MYOCOS: variants seen among roughly 807,000 people sequenced by gnomAD.
The protein encoded by MYOCOS is myocilin opposite strand.
rs1032286290 is a variant in MYOCOS at position 171,623,943 on chromosome 1, C to T, written c.60C>T (p.Ser20=). The T allele has an allele frequency of 1.5e-5, 6 of 398,588 alleles. No individual in the cohort carries two copies. Among genetic ancestry groups the T allele is most frequent in the African/African-American group, 6.2e-5 (3 of 48,738 alleles). 24.7% of individuals were successfully genotyped at this position (398,588 alleles called of 1,614,324 possible). A position where few individuals can be genotyped will look rare whatever the true frequency, so the allele number is the denominator to read the frequency against. ...ATCTCCCCTACAAGGACTTGACCTC[C>T]GAGGTAACCAGGCGCCGAGTCACCA... ...SINLPYKDLT[S]EVTRRRVTMI... is the part of the protein sequence containing the mutation. The change falls in exon 2 of 3, where the codon TCC becomes TCT. Residue 20 remains serine (S), a synonymous_variant. Coordinates refer to ENST00000637642, the MANE Select transcript of MYOCOS (RefSeq NM_001391940.1).
intron 1 of MYOCOS, among the ~76,000 whole-genome samples, chr1:171,608,502 C>T (rs113367666): frequency 0.073 from 10,584 of 144,928 alleles, 1,267 homozygotes; most frequent in African/African-American, 0.25. Flanking sequence ...CCTGCAAGCT[C>T]CGCCTCCCGA....
intron 2 of MYOCOS, among the ~76,000 whole-genome samples, chr1:171,625,345 G>C (rs1652673174): frequency 6.6e-6 from 1 of 152,188 alleles, no homozygotes; most frequent in African/African-American, 2.4e-5. Context: ...TGGGAGATGG[G>C]AGCAGTGAAC....
intron 1 of MYOCOS, among the ~76,000 whole-genome samples, chr1:171,610,000 C>T (rs1053386528): frequency 3.3e-5 from 5 of 152,240 alleles, no homozygotes; most frequent in African/African-American, 1.2e-4. Context: ...AGCCCCCCTT[C>T]ACATGGGTCT....
intron 1 of MYOCOS, among the ~76,000 whole-genome samples, chr1:171,611,976 G>T (rs575523283): frequency 5.9e-5 from 9 of 152,272 alleles, no homozygotes; most frequent in African/African-American, 2.2e-4. Flanking sequence ...TTGAATTCAT[G>T]GTAGTCTTCA....
At chr1:171,616,205 G>A (rs1168399524) in intron 2 of MYOCOS, among the ~76,000 whole-genome samples, 3 of 149,408 alleles carry the variant, frequency 2.0e-5, no homozygotes, top group African/African-American at 7.4e-5. Flanking sequence ...TGACAAGAGC[G>A]AAACTCCATC....
chr1:171,621,424 A>G (rs573290887), upstream of MYOCOS, among the ~76,000 whole-genome samples: 55 of 130,564 alleles, frequency 4.2e-4, no homozygotes, highest in East Asian at 1.2e-3. Flanking sequence ...CAACCAGGCT[A>G]GAGTGCAGTG....
At chr1:171,618,809 T>C (rs1160641821), upstream of MYOCOS, among the ~76,000 whole-genome samples, 1 of 152,174 alleles carries the variant, frequency 6.6e-6, no homozygotes, top group African/African-American at 2.4e-5. Flanking sequence ...CTCCTGACCT[T>C]GGGTGATCTG....
upstream of MYOCOS, among the ~76,000 whole-genome samples, chr1:171,619,830 C>CAA (rs557972701): frequency 0.036 from 3,488 of 96,184 alleles, 153 homozygotes; most frequent in African/African-American, 0.12. Flanking sequence ...GACTCCATCT[C>CAA]AAAAAAAAAA....
upstream of MYOCOS, among the ~76,000 whole-genome samples, chr1:171,620,325 C>A (rs1286350970): frequency 1.3e-4 from 20 of 152,006 alleles, no homozygotes; most frequent in Non-Finnish European, 7.4e-5. Flanking sequence ...TCCAACCTGA[C>A]TCTGGCATAA....
At chr1:171,608,118 C>T (rs1652284903) in intron 1 of MYOCOS, among the ~76,000 whole-genome samples, 1 of 152,160 alleles carries the variant, frequency 6.6e-6, no homozygotes, top group Admixed American at 6.5e-5. Flanking sequence ...GGGTCCCTCC[C>T]ACAACAAGTG....
chr1:171,618,004 A>C (rs1009330831), upstream of MYOCOS, among the ~76,000 whole-genome samples: 2 of 152,112 alleles, frequency 1.3e-5, no homozygotes, highest in African/African-American at 4.8e-5. Context: ...TTCTCTTATG[A>C]TTGCTTCCAT....
intron 2 of MYOCOS, among the ~76,000 whole-genome samples, chr1:171,625,663 A>G (rs7538489): frequency 0.32 from 47,954 of 152,050 alleles, 8,377 homozygotes; most frequent in African/African-American, 0.47. Flanking sequence ...GGCGAACCCC[A>G]CAGCCTGGGG....
rs1283942195 is a variant in MYOCOS at position 171,626,841 on chromosome 1, AC to A, written c.*241del. ...TTTGATCTTTATGTTATGCTATAGA[AC>A]TGTTGCTGTAGTCAGTTGTATTTAA... On this transcript the variant is annotated 3_prime_UTR_variant, in exon 3 of 3. Coordinates refer to ENST00000637642, the MANE Select transcript of MYOCOS (RefSeq NM_001391940.1). 2 of 340,274 alleles carry A rather than the reference AC, an allele frequency of 5.9e-6. No homozygotes were observed. The highest frequency in any genetic ancestry group is 1.1e-5 in the Non-Finnish European group (2 of 190,474). The allele number at this position is 340,274 out of a possible 1,614,324, so 21.1% of individuals were successfully genotyped here.
At chr1:171,622,856 C>A (rs1283203975) in intron 1 of MYOCOS, among the ~76,000 whole-genome samples, 2 of 152,196 alleles carry the variant, frequency 1.3e-5, no homozygotes, top group Non-Finnish European at 2.9e-5. Context: ...TACCTAATTT[C>A]TCTACTGCTC....
At position 171,614,614 on chromosome 1, in the gene MYOCOS, A is replaced by C. The variant is rs113373780; in HGVS notation, c.-251-184A>C. The stretch of plus-strand genomic sequence containing the variant: ...CTCTTCAGCTGAGAGCAATGCCTGG[A>C]GAGGCACTCAGCTGAGAGTCATCAC... On this transcript the variant is annotated intron_variant, in intron 1 of 3. Transcript: ENST00000636697. Among the ~76,000 whole-genome samples, 1,317 of 152,298 alleles carry C rather than the reference A, an allele frequency of 8.6e-3. 16 individuals are homozygous for C. The highest frequency in any genetic ancestry group is 0.029 in the African/African-American group (1,218 of 41,550).
rs751183249 is a variant in MYOCOS, at chr1:171,626,629, C to A, written c.*28C>A. On this transcript the variant is annotated 3_prime_UTR_variant, in exon 3 of 3. Coordinates refer to ENST00000637642, the MANE Select transcript of MYOCOS (RefSeq NM_001391940.1). ...TGTAAAACTTATTTTGAAGTGAATT[C>A]TTACACAGAACTCCAGAAAACAGTT... 2 of 398,356 alleles carry A rather than the reference C, an allele frequency of 5.0e-6. No individual in the cohort carries two copies. Among genetic ancestry groups the A allele is most frequent in the Non-Finnish European group, 8.8e-6 (2 of 226,018 alleles). 24.7% of individuals were successfully genotyped at this position (398,356 alleles called of 1,614,324 possible). A position where few individuals can be genotyped will look rare whatever the true frequency, so the allele number is the denominator to read the frequency against.
chr1:171,616,377 TA>T (rs1652450561), intron 2 of MYOCOS, among the ~76,000 whole-genome samples: 1 of 152,010 alleles, frequency 6.6e-6, no homozygotes, highest in Non-Finnish European at 1.5e-5. Flanking sequence ...CTGTCTCTAT[TA>T]AAAATACAAA....
intron 1 of MYOCOS, 74 bp from the exon 2 acceptor site, chr1:171,623,767 G>A (rs767683100): frequency 4.1e-4 from 161 of 396,784 alleles, no homozygotes; most frequent in East Asian, 3.6e-3. Context: ...TGCAAACTGC[G>A]CCATTCTGGA....
At chr1:171,603,899 C>G (rs1443935606) in intron 1 of MYOCOS, among the ~76,000 whole-genome samples, 1 of 152,148 alleles carries the variant, frequency 6.6e-6, no homozygotes, top group African/African-American at 2.4e-5. Flanking sequence ...TAAAGTCCCC[C>G]CATGCTGTGG....
Sources: allele counts gnomAD v4.1 joint callset (sites outside exome capture counted in the v4.1 genomes callset), GRCh38; gene constraint gnomAD v4.1.1; transcripts MANE v1.5; gene names NCBI Gene and HGNC (gene_info 2026-07-23, HGNC 2026-07-21).